LUC7L2: variants seen among roughly 807,000 people sequenced by gnomAD.
LUC7L2 encodes the protein putative RNA-binding protein Luc7-like 2.
Under a neutral mutation model 52.8 loss-of-function variants are expected in LUC7L2, and 25 were observed. That is an observed-to-expected ratio of 0.47 (90% CI 0.34 to 0.66). The LOEUF (loss-of-function observed/expected upper bound fraction) is 0.66. Ranked by LOEUF, LUC7L2 falls within the 30% of genes least tolerant of loss-of-function variation. The pLI, the probability that LUC7L2 is intolerant of heterozygous loss-of-function variation, is 0.01. For missense variants in LUC7L2, 328 were observed against 497.8 expected, an observed-to-expected ratio of 0.66 and a Z score of 3.25; for synonymous variants, 144 against 160.9, an observed-to-expected ratio of 0.89 and a Z score of 0.80.
chr7:139,341,555 C>G lies in LUC7L2; in HGVS notation c.-26+1038C>G, dbSNP rs1563246341. 3.1e-6 allele frequency: 5 copies of G among 1,600,170 alleles called. No homozygotes were observed. The Admixed American group carries it at 6.7e-5, about 21-fold the overall frequency. On this transcript the variant is annotated intron_variant, in intron 1 of 10. Transcript: ENST00000541170. ...AGCCATGTCCCGGGTGCTCTACGTG[C>G]TGGGGAGGGAGGAAGAGCCGGGTCT...
At chr7:139,395,275 ATTCT>A (rs1794609536) in intron 2 of LUC7L2, among the ~76,000 whole-genome samples, 1 of 152,192 alleles carries the variant, frequency 6.6e-6, no homozygotes, top group African/African-American at 2.4e-5. Context: ...ATTTTCTGGA[ATTCT>A]TTCTTAGGAA....
chr7:139,353,590 G>A (rs552899301), intron 1 of LUC7L2, among the ~76,000 whole-genome samples: 60 of 151,890 alleles, frequency 4.0e-4, no homozygotes, highest in Non-Finnish European at 7.6e-4. Context: ...TCACGCAGTC[G>A]GAGGCCATCC....
chr7:139,359,012 G>C (rs1259846364), upstream of LUC7L2: 1 of 152,250 alleles, frequency 6.6e-6, no homozygotes, highest in Non-Finnish European at 1.5e-5. Flanking sequence ...ACAGTTTTTA[G>C]AAACACCAGG....
At chr7:139,396,792 C>G (rs988420862) in intron 2 of LUC7L2, among the ~76,000 whole-genome samples, 1 of 152,150 alleles carries the variant, frequency 6.6e-6, no homozygotes, top group African/African-American at 2.4e-5. Flanking sequence ...ATAGATTTTT[C>G]TCAGTTGTGC....
intron 1 of LUC7L2, among the ~76,000 whole-genome samples, chr7:139,348,475 C>T (rs952557083): frequency 6.6e-6 from 1 of 152,098 alleles, no homozygotes; most frequent in Non-Finnish European, 1.5e-5. Flanking sequence ...AATCCCAGCA[C>T]TTTGAGCGGC....
intron 1 of LUC7L2, among the ~76,000 whole-genome samples, chr7:139,367,121 A>G (rs1401959565): frequency 6.6e-6 from 1 of 151,894 alleles, no homozygotes; most frequent in East Asian, 1.9e-4. Flanking sequence ...ACAGGCATGC[A>G]CTGTCATGCC....
At chr7:139,375,973 C>G in intron 1 of LUC7L2, 89 bp from the exon 2 acceptor site, 3 of 1,341,414 alleles carry the variant, frequency 2.2e-6, no homozygotes, top group Non-Finnish European at 3.1e-6. Flanking sequence ...TGTATATAGC[C>G]ACACATAAAA....
rs181121716 is a variant in LUC7L2 at position 139,400,038 on chromosome 7, C to T, written c.255+1341C>T. On this transcript the variant is annotated intron_variant, in intron 3 of 9. Coordinates refer to ENST00000354926, the MANE Select transcript of LUC7L2 (RefSeq NM_016019.5). ...TAAACCAACAAACAGGTCCTCTTGT[C>T]TTCTGAATATCCAAGAATTTCTGCT... is the stretch of plus-strand genomic sequence containing the variant. Among the ~76,000 whole-genome samples, 123 of 152,250 alleles carry T rather than the reference C, an allele frequency of 8.1e-4. 1 individual carries two copies. Among genetic ancestry groups the T allele is most frequent in the African/African-American group, 2.8e-3 (115 of 41,566 alleles).
chr7:139,391,165 T>A (rs1387228695), intron 2 of LUC7L2, among the ~76,000 whole-genome samples: 1 of 152,220 alleles, frequency 6.6e-6, no homozygotes, highest in Non-Finnish European at 1.5e-5. Flanking sequence ...TCATAGTCTT[T>A]GTTTCTGTTT....
Position 139,376,042 on chromosome 7 carries a change from T to C in LUC7L2, c.62-20T>C. 6.2e-7 allele frequency: 1 copy of C among 1,612,754 alleles called. No individual in the cohort carries two copies. On this transcript the variant is annotated intron_variant, in intron 1 of 9. Coordinates refer to ENST00000354926, the MANE Select transcript of LUC7L2 (RefSeq NM_016019.5). ...TCCAGTTGTCTAACCTTGAATGTTATTAACTCTTCTATATTACAGGAGATA... is the reference window on the plus strand; with the variant it reads ...TCCAGTTGTCTAACCTTGAATGTTACTAACTCTTCTATATTACAGGAGATA...
chr7:139,382,325 G>A (rs1326779212), intron 2 of LUC7L2, among the ~76,000 whole-genome samples: 2 of 152,178 alleles, frequency 1.3e-5, no homozygotes, highest in African/African-American at 4.8e-5. Flanking sequence ...GATAGGGTTA[G>A]GGACTTTGAT....
In LUC7L2 at chr7:139,422,286, T is replaced by TA; in HGVS notation, c.1125_1126insA (p.Gly376ArgfsTer10). On this transcript the variant is annotated frameshift_variant, in exon 10 of 10. Transcript: ENST00000354926. LOFTEE classifies it high-confidence loss of function. ...AGAAGCGGTCCTATGAGAGTGCTAA[T>TA]GGCAGATCAGAAGACAGGAGGAGCT... 6.2e-7 allele frequency: 1 copy of TA among 1,614,158 alleles called. No individual in the cohort carries two copies. Among genetic ancestry groups the TA allele is most frequent in the Non-Finnish European group, 8.5e-7 (1 of 1,180,022 alleles).
intron 8 of LUC7L2, among the ~76,000 whole-genome samples, chr7:139,415,939 A>G (rs1795578308): frequency 6.6e-6 from 1 of 151,396 alleles, no homozygotes; most frequent in Non-Finnish European, 1.5e-5. Context: ...TTTGTAAACT[A>G]TCTCATATGT....
intron 4 of LUC7L2, among the ~76,000 whole-genome samples, chr7:139,403,591 G>A (rs1795004974): frequency 6.6e-6 from 1 of 152,144 alleles, no homozygotes; most frequent in South Asian, 2.1e-4. Context: ...TCTCATGGTT[G>A]GAAGAGATCT....
At chr7:139,350,413 A>ACG (rs1563250744) in intron 1 of LUC7L2, among the ~76,000 whole-genome samples, 30 of 151,370 alleles carry the variant, frequency 2.0e-4, no homozygotes, top group African/African-American at 6.8e-4. Context: ...GAGCCACTGC[A>ACG]CCCAGCCACC....
intron 1 of LUC7L2, among the ~76,000 whole-genome samples, chr7:139,341,958 A>T (rs1372697382): frequency 2.6e-5 from 4 of 152,238 alleles, no homozygotes; most frequent in African/African-American, 9.6e-5. Context: ...AAGTTATTCT[A>T]AGAAGCATTT....
At chr7:139,345,208 T>C (rs1409046254) in intron 1 of LUC7L2, among the ~76,000 whole-genome samples, 3 of 152,198 alleles carry the variant, frequency 2.0e-5, no homozygotes, top group South Asian at 4.1e-4. Flanking sequence ...CTCTGGACTT[T>C]AGTTTCCTCA....
intron 1 of LUC7L2, among the ~76,000 whole-genome samples, chr7:139,367,975 G>T (rs373674860): frequency 5.9e-5 from 9 of 152,180 alleles, no homozygotes; most frequent in Non-Finnish European, 2.9e-5. Flanking sequence ...CATTATGGAC[G>T]GGAGCAGAGC....
At chr7:139,402,370 CT>C (rs1794951653) in intron 4 of LUC7L2, 123 bp downstream of exon 4, 6 of 918,630 alleles carry the variant, frequency 6.5e-6, no homozygotes, top group Non-Finnish European at 9.3e-6. Context: ...ATTCTGTATA[CT>C]TTCTTGTCTG....
Sources: allele counts gnomAD v4.1 joint callset (sites outside exome capture counted in the v4.1 genomes callset), GRCh38; gene constraint gnomAD v4.1.1; transcripts MANE v1.5; gene names NCBI Gene and HGNC (gene_info 2026-07-23, HGNC 2026-07-21).